The following CNGB3 variants were observed in gnomAD, a reference collection of about 807,000 sequenced individuals.
CNGB3 encodes the protein cyclic nucleotide gated channel subunit beta 3.
In CNGB3, 86 loss-of-function variants were observed where a neutral mutation model predicts 92.8. That is an observed-to-expected ratio of 0.93 (90% CI 0.78 to 1.11). The LOEUF (loss-of-function observed/expected upper bound fraction) is 1.11, where lower values mean the gene tolerates loss of function less well. Among genes scored for constraint, CNGB3 ranks in the 50% least tolerant of loss-of-function variants. The pLI, the probability that CNGB3 is intolerant of heterozygous loss-of-function variation, is 0.00. For synonymous variants in CNGB3, 333 were observed against 332.7 expected, an observed-to-expected ratio of 1.00 and a Z score of -0.01; for missense variants, 1,026 against 956.8, an observed-to-expected ratio of 1.07 and a Z score of -0.95.
In CNGB3 at chr8:86,575,753, G is replaced by A. The variant is rs189210452; in HGVS notation, c.*51C>T. 9.1e-5 allele frequency: 139 copies of A among 1,520,856 alleles called. 2 individuals carry two copies. The African/African-American group carries it at 1.8e-3, about 19-fold the overall frequency. The allele number at this position is 1,520,856 out of a possible 1,614,324, so 94.2% of individuals were successfully genotyped here. A position where few individuals can be genotyped will look rare whatever the true frequency, so the allele number is the denominator to read the frequency against. ...TCGTTAATTTAAGTTACAATCCTAG[G>A]TACAATCACTTTGGGAACTAGCTAT... On this transcript the variant is annotated 3_prime_UTR_variant, in exon 18 of 18. Transcript: ENST00000320005.
At chr8:86,681,012 C>T (rs916991442) in intron 3 of CNGB3, among the ~76,000 whole-genome samples, 5 of 152,118 alleles carry the variant, frequency 3.3e-5, no homozygotes, top group Non-Finnish European at 5.9e-5. Context: ...GTGTCCACTA[C>T]AGATATACAC....
chr8:86,719,790 A>G lies in CNGB3; in HGVS notation c.338+6741T>C, dbSNP rs185798530. Among the ~76,000 whole-genome samples, 3 of 152,322 alleles carry G rather than the reference A, an allele frequency of 2.0e-5. No homozygotes were observed. In the East Asian group the frequency reaches 5.8e-4, roughly 29 times the overall value. On this transcript the variant is annotated intron_variant, in intron 3 of 17. Transcript: ENST00000320005. ...ACCGAAACAGCATGCTACTGGTATA[A>G]AAATAGGCATATAGACCAACTGAAC... is the stretch of plus-strand genomic sequence containing the variant.
chr8:86,595,266 C>G (rs571983134), intron 15 of CNGB3, among the ~76,000 whole-genome samples: 3 of 152,084 alleles, frequency 2.0e-5, no homozygotes, highest in Non-Finnish European at 4.4e-5. Flanking sequence ...GGGAGGAACC[C>G]AAACAGGCTG....
At chr8:86,632,943 G>A in intron 10 of CNGB3, 50 bp from the exon 11 acceptor site, 3 of 1,516,078 alleles carry the variant, frequency 2.0e-6, no homozygotes, top group Non-Finnish European at 2.7e-6. Context: ...ATCATCGAAA[G>A]ACCACTATTC....
At chr8:86,588,734 G>A (rs1382952337) in intron 15 of CNGB3, among the ~76,000 whole-genome samples, 25 of 150,472 alleles carry the variant, frequency 1.7e-4, no homozygotes, top group South Asian at 1.1e-3. Flanking sequence ...GCTGGATTCG[G>A]TTTGCCAGTA....
chr8:86,708,377 A>C (rs1406014874), intron 3 of CNGB3, among the ~76,000 whole-genome samples: 8 of 152,064 alleles, frequency 5.3e-5, no homozygotes, highest in Non-Finnish European at 1.0e-4. Context: ...GATCAACTTC[A>C]AATAGTTGCT....
intron 15 of CNGB3, chr8:86,594,678 C>T (rs1464021900): frequency 1.1e-5 from 2 of 181,564 alleles, no homozygotes; most frequent in African/African-American, 2.6e-5. Flanking sequence ...CCGCTTGCCC[C>T]TGGCTTTAGA....
At chr8:86,653,774 T>G (rs1194281751) in intron 7 of CNGB3, among the ~76,000 whole-genome samples, 1 of 152,136 alleles carries the variant, frequency 6.6e-6, no homozygotes, top group Non-Finnish European at 1.5e-5. Flanking sequence ...TAAATTAGAA[T>G]TCAAATCTGG....
intron 3 of CNGB3, among the ~76,000 whole-genome samples, chr8:86,710,060 G>C (rs1476515931): frequency 1.3e-5 from 2 of 152,112 alleles, no homozygotes; most frequent in Non-Finnish European, 2.9e-5. Flanking sequence ...CCATACCTTG[G>C]TTTGCCAACT....
chr8:86,715,081 C>T (rs567492683), intron 3 of CNGB3, among the ~76,000 whole-genome samples: 9 of 152,160 alleles, frequency 5.9e-5, no homozygotes, highest in African/African-American at 9.6e-5. Flanking sequence ...AGACAAAAGA[C>T]GTAATATCTT....
rs546964159 is a variant in CNGB3 at position 86,623,389 on chromosome 8, G to A, written c.1578+2594C>T. Among the ~76,000 whole-genome samples, 320 of 152,286 alleles carry A rather than the reference G, an allele frequency of 2.1e-3. 1 individual carries two copies. The highest frequency in any genetic ancestry group is 0.01 in the Middle Eastern group (3 of 294). ...TATTTCTCACAGTTCTGAAGACCGAGAAGTCCAAGATCAAGGCATTAGCAG... is the reference window on the plus strand; with the variant it reads ...TATTTCTCACAGTTCTGAAGACCGAAAAGTCCAAGATCAAGGCATTAGCAG... On this transcript the variant is annotated intron_variant, in intron 13 of 17. Transcript: ENST00000320005.
intron 3 of CNGB3, among the ~76,000 whole-genome samples, chr8:86,694,186 C>A (rs1237231030): frequency 3.6e-5 from 5 of 139,510 alleles, no homozygotes; most frequent in South Asian, 2.3e-4. Flanking sequence ...TGACCCCCCC[C>A]ACCTCCCTCC....
At chr8:86,716,648 TC>T (rs1281780209) in intron 3 of CNGB3, among the ~76,000 whole-genome samples, 3 of 152,126 alleles carry the variant, frequency 2.0e-5, no homozygotes, top group Admixed American at 6.6e-5. Flanking sequence ...AAAGAGACAG[TC>T]TTTTCCAGAC....
At chr8:86,667,186 G>T (rs1007222972) in intron 5 of CNGB3, 53 bp from the exon 6 acceptor site, 3 of 1,490,186 alleles carry the variant, frequency 2.0e-6, no homozygotes, top group Non-Finnish European at 2.8e-6. Flanking sequence ...AACACAGAAA[G>T]AATTCTGTTG....
chr8:86,694,854 G>T (rs567117953), intron 3 of CNGB3, among the ~76,000 whole-genome samples: 9 of 151,658 alleles, frequency 5.9e-5, no homozygotes, highest in Admixed American at 2.0e-4. Context: ...CGTCCCAGAC[G>T]ATGGGCGGCC....
chr8:86,664,961 C>T (rs999865584), intron 6 of CNGB3, among the ~76,000 whole-genome samples: 10 of 152,200 alleles, frequency 6.6e-5, no homozygotes, highest in African/African-American at 2.4e-4. Context: ...CTGTGCTGTC[C>T]ACCAGACACA....
chr8:86,712,771 T>C (rs76370014), intron 3 of CNGB3, among the ~76,000 whole-genome samples: 1 of 151,388 alleles, frequency 6.6e-6, no homozygotes, highest in Non-Finnish European at 1.5e-5. Flanking sequence ...TTTTTTTTTT[T>C]TTTTAGATGA....
chr8:86,604,057 A>G, intron 15 of CNGB3, 36 bp downstream of exon 15: 6 of 1,338,086 alleles, frequency 4.5e-6, no homozygotes, highest in Non-Finnish European at 6.5e-6. Context: ...ATGACAAATG[A>G]TGGACTTCAA....
chr8:86,678,916 C>G (rs185753771), intron 3 of CNGB3, among the ~76,000 whole-genome samples: 9 of 152,210 alleles, frequency 5.9e-5, no homozygotes, highest in African/African-American at 2.2e-4. Flanking sequence ...TAAACATAGT[C>G]ATAATACTAA....
Sources: gnomAD v4.1 joint callset for allele counts (sites outside exome capture counted in the v4.1 genomes callset) on GRCh38, gnomAD v4.1.1 for gene constraint, MANE v1.5 for transcripts, NCBI Gene and HGNC (gene_info 2026-07-23, HGNC 2026-07-21) for gene names.